FLT1: variants seen among roughly 807,000 people sequenced by gnomAD.
FLT1 encodes vascular endothelial growth factor receptor 1.
A neutral mutation model predicts 156.3 loss-of-function variants in FLT1; 49 were observed. The ratio of observed to expected loss-of-function variants is 0.31; its 90% CI spans 0.25 to 0.40. FLT1 has a LOEUF of 0.40. Among genes scored for constraint, FLT1 ranks in the 10% least tolerant of loss-of-function variants. The pLI, the probability that FLT1 is intolerant of heterozygous loss-of-function variation, is 1.00. For missense variants in FLT1, 1,322 were observed against 1,637.2 expected, an observed-to-expected ratio of 0.81 and a Z score of 3.32; for synonymous variants, 594 against 583.8, an observed-to-expected ratio of 1.02 and a Z score of -0.25.
chr13:28,417,705 T>C (rs184455354), intron 10 of FLT1, among the ~76,000 whole-genome samples: 2 of 151,758 alleles, frequency 1.3e-5, no homozygotes, highest in Non-Finnish European at 2.9e-5. Context: ...TCCTGCTATG[T>C]TGCCCAGGGC....
intron 1 of FLT1, among the ~76,000 whole-genome samples, chr13:28,477,054 C>T (rs185734104): frequency 6.7e-4 from 102 of 152,142 alleles, no homozygotes; most frequent in Admixed American, 1.9e-3. Flanking sequence ...GTTATTTACA[C>T]GGAAAAAAAT....
intron 11 of FLT1, among the ~76,000 whole-genome samples, chr13:28,400,155 A>G (rs542289360): frequency 6.6e-6 from 1 of 152,302 alleles, no homozygotes; most frequent in African/African-American, 2.4e-5. Flanking sequence ...TATTGGCAAA[A>G]TTCTGTCTAC....
rs534158531 is a variant in FLT1, at chr13:28,455,984, G to C, written c.388+10919C>G. On this transcript the variant is annotated intron_variant, in intron 3 of 29. Transcript: ENST00000282397. ...ACTGCCAACAGCAAATGTTGGCAAG[G>C]AGGCAGAGTGATAGGAATTGTCATT... Among the ~76,000 whole-genome samples, 7 of 152,330 alleles carry C rather than the reference G, an allele frequency of 4.6e-5. 1 individual carries two copies. The South Asian group carries it at 1.5e-3, about 32-fold the overall frequency.
Position 28,322,702 on chromosome 13 carries a change from G to T in FLT1, c.2953+88C>A. ...TCGAGTCTCCCACGGATGTTTATTA[G>T]AGTGATAAATAAGAAAAAAATTTCA... On this transcript the variant is annotated intron_variant, in intron 21 of 29. Transcript: ENST00000282397. This position sits in a 1 kb window ranked among gnomAD's most constrained non-coding sequence, Gnocchi z 4.3. The T allele has an allele frequency of 1.7e-6, 2 of 1,174,090 alleles. No individual in the cohort carries two copies. The highest frequency in any genetic ancestry group is 2.5e-6 in the Non-Finnish European group (2 of 785,738). The allele number at this position is 1,174,090 out of a possible 1,614,324, so 72.7% of individuals were successfully genotyped here. A position where few individuals can be genotyped will look rare whatever the true frequency, so the allele number is the denominator to read the frequency against.
At chr13:28,450,545 G>A (rs1338251245) in intron 3 of FLT1, among the ~76,000 whole-genome samples, 1 of 151,660 alleles carries the variant, frequency 6.6e-6, no homozygotes, top group African/African-American at 2.4e-5. Flanking sequence ...GGGAGAGAGG[G>A]AGAAAAGAAG....
At chr13:28,444,412 G>A (rs1878497193) in intron 3 of FLT1, among the ~76,000 whole-genome samples, 1 of 152,082 alleles carries the variant, frequency 6.6e-6, no homozygotes, top group Non-Finnish European at 1.5e-5. Context: ...CTGCACTCCA[G>A]CCTGGGCGAC....
rs190115114 is a variant in FLT1 at position 28,408,634 on chromosome 13, G to C, written c.1437-2740C>G. ...TCACTGTGCTGGGAACTGTCTTGAG[G>C]GGGGAGGAAGCCGAACAACAAGAGG... On this transcript the variant is annotated intron_variant, in intron 10 of 29. Coordinates refer to ENST00000282397, the MANE Select transcript of FLT1 (RefSeq NM_002019.4). Among the ~76,000 whole-genome samples, 61 of 152,266 alleles carry C rather than the reference G, an allele frequency of 4.0e-4. 1 individual carries two copies. The highest frequency in any genetic ancestry group is 1.1e-3 in the African/African-American group (45 of 41,538).
chr13:28,317,315 C>T (rs779925567), intron 25 of FLT1, among the ~76,000 whole-genome samples, 183 bp downstream of exon 25: 7 of 152,252 alleles, frequency 4.6e-5, no homozygotes, highest in Non-Finnish European at 7.3e-5. Flanking sequence ...ACGTGCCCCA[C>T]TGCAAGAAAA....
chr13:28,387,597 CAT>C (rs1232164158), intron 13 of FLT1: 2 of 1,064,536 alleles, frequency 1.9e-6, no homozygotes, highest in Non-Finnish European at 2.3e-6. Flanking sequence ...TGCCAGGTCA[CAT>C]AAATACACAG....
intron 24 of FLT1, 149 bp downstream of exon 24, chr13:28,319,271 CTCA>C (rs1371795690): frequency 1.3e-5 from 9 of 673,192 alleles, no homozygotes; most frequent in Non-Finnish European, 2.2e-5. Context: ...TACGCCATTA[CTCA>C]TCTGAGAGTC....
rs1369068034 is a variant in FLT1, at chr13:28,302,856, A to G, written c.*311T>C. 1 of 443,592 alleles carries G rather than the reference A, an allele frequency of 2.3e-6. No individual in the cohort carries two copies. Among genetic ancestry groups the G allele is most frequent in the Non-Finnish European group, 4.2e-6 (1 of 240,330 alleles). The allele number at this position is 443,592 out of a possible 1,614,324, so 27.5% of individuals were successfully genotyped here. A position where few individuals can be genotyped will look rare whatever the true frequency, so the allele number is the denominator to read the frequency against. On this transcript the variant is annotated 3_prime_UTR_variant, in exon 30 of 30. Coordinates refer to ENST00000282397, the MANE Select transcript of FLT1 (RefSeq NM_002019.4). ...GGTGATCAGTGCAGCTCCTCAATCA[A>G]ACTGGTCCTGCGTGCCCTGAGGTGG... is the stretch of plus-strand genomic sequence containing the variant.
rs1019708695 is a variant in FLT1 at position 28,421,489 on chromosome 13, C to G, written c.1436+5670G>C. 6.6e-5 allele frequency among the ~76,000 whole-genome samples: 10 copies of G among 152,300 alleles called. No homozygotes were observed. In the East Asian group the frequency reaches 1.7e-3, roughly 26 times the overall value. The stretch of plus-strand genomic sequence containing the variant: ...GCTGGCAAGGTGGTCCAGGTTGGCA[C>G]TGCGGAAAATACGGCTTGGCCCCAA... On this transcript the variant is annotated intron_variant, in intron 10 of 29. Coordinates refer to ENST00000282397, the MANE Select transcript of FLT1 (RefSeq NM_002019.4).
intron 1 of FLT1, among the ~76,000 whole-genome samples, chr13:28,470,021 T>G (rs1360118957): frequency 6.6e-6 from 1 of 152,150 alleles, no homozygotes; most frequent in Non-Finnish European, 1.5e-5. Context: ...CCCAAAGTGT[T>G]GAGATTAGAG....
intron 14 of FLT1, chr13:28,368,699 G>T: frequency 1.4e-6 from 1 of 734,046 alleles, no homozygotes; most frequent in South Asian, 1.7e-5. Context: ...CTTTAGATTG[G>T]CAGCTTTTTT....
intron 25 of FLT1, 95 bp downstream of exon 25, chr13:28,317,403 C>G (rs1172444868): frequency 1.2e-6 from 1 of 845,504 alleles, no homozygotes; most frequent in East Asian, 2.4e-5. Context: ...TCTTCCAAGA[C>G]TGGGACTCTA....
At chr13:28,366,080 TGA>T (rs1240019764) in intron 14 of FLT1, among the ~76,000 whole-genome samples, 1 of 152,196 alleles carries the variant, frequency 6.6e-6, no homozygotes, top group Non-Finnish European at 1.5e-5. Flanking sequence ...TGTTGTCTTC[TGA>T]GTTTTAGAAA....
intron 1 of FLT1, among the ~76,000 whole-genome samples, chr13:28,484,767 C>T (rs137888991): frequency 2.6e-5 from 4 of 151,938 alleles, no homozygotes; most frequent in Non-Finnish European, 2.9e-5. Context: ...CCCTAAATGT[C>T]GGGTTTGCAA....
chr13:28,489,758 C>T (rs1881369988), intron 1 of FLT1, among the ~76,000 whole-genome samples: 1 of 151,944 alleles, frequency 6.6e-6, no homozygotes, highest in African/African-American at 2.4e-5. Context: ...AGAGAAGTGG[C>T]GAAAGACAAA....
At chr13:28,434,276 T>A in intron 4 of FLT1, 56 bp from the exon 5 acceptor site, 1 of 1,484,324 alleles carries the variant, frequency 6.7e-7, no homozygotes, top group Non-Finnish European at 9.4e-7. Flanking sequence ...TTGGCAATAC[T>A]GTTTCACCAG....
Sources: allele counts gnomAD v4.1 joint callset (sites outside exome capture counted in the v4.1 genomes callset), GRCh38; gene constraint gnomAD v4.1.1; non-coding constraint Gnocchi (gnomAD v3.1); transcripts MANE v1.5; gene names NCBI Gene and HGNC (gene_info 2026-07-23, HGNC 2026-07-21).